Variants in CDKAL1 observed in about 807,000 individuals in gnomAD.
The protein encoded by CDKAL1 is threonylcarbamoyladenosine tRNA methylthiotransferase.
A neutral mutation model predicts 68.2 loss-of-function variants in CDKAL1; 32 were observed. The observed-to-expected ratio is 0.47, with a 90% CI of 0.35 to 0.63. The LOEUF (loss-of-function observed/expected upper bound fraction) is 0.63. CDKAL1 is among the 30% of genes least tolerant of loss of function. The pLI is 0.00. For missense variants in CDKAL1, 606 were observed against 696.7 expected (o/e 0.87, Z 1.47); for synonymous variants, 234 against 244.3 (o/e 0.96, Z 0.39).
At chr6:21,167,676 T>G (rs370000981) in intron 13 of CDKAL1, among the ~76,000 whole-genome samples, 9 of 152,328 alleles carry the variant, frequency 5.9e-5, no homozygotes, top group East Asian at 3.9e-4. Flanking sequence ...GTAAACTGAT[T>G]AAGTGACCAA....
chr6:21,023,570 C>T (rs934114893), intron 11 of CDKAL1, among the ~76,000 whole-genome samples: 1 of 152,022 alleles, frequency 6.6e-6, no homozygotes, highest in African/African-American at 2.4e-5. Flanking sequence ...GTACACTTAT[C>T]GCTTTCCTTT....
At position 20,886,919 on chromosome 6, in the gene CDKAL1, TA is replaced by T. The variant is rs1209638646; in HGVS notation, c.742+40742del. 2.6e-5 allele frequency among the ~76,000 whole-genome samples: 4 copies of T among 152,234 alleles called. No homozygotes were observed. In the East Asian group the frequency reaches 7.7e-4, roughly 29 times the overall value. On this transcript the variant is annotated intron_variant, in intron 9 of 15. Transcript: ENST00000274695. ...ATTCAAGACATGGACTGGGAGAAAA[TA>T]TTCACATTTATTTGGTAAAGGGTTG... is the stretch of plus-strand genomic sequence containing the variant.
chr6:20,772,396 T>G (rs992703940), intron 7 of CDKAL1, among the ~76,000 whole-genome samples: 1 of 152,176 alleles, frequency 6.6e-6, no homozygotes, highest in Non-Finnish European at 1.5e-5. Context: ...TGATGTACAT[T>G]TGATTTGGAT....
intron 8 of CDKAL1, among the ~76,000 whole-genome samples, chr6:20,836,186 A>C (rs1777932428): frequency 6.6e-6 from 1 of 152,158 alleles, no homozygotes; most frequent in South Asian, 2.1e-4. Flanking sequence ...ACATGACCTC[A>C]AGATTTAGCA....
intron 13 of CDKAL1, among the ~76,000 whole-genome samples, chr6:21,114,134 G>A (rs1774272562): frequency 6.6e-6 from 1 of 151,400 alleles, no homozygotes; most frequent in African/African-American, 2.4e-5. Context: ...TGTAGTCCCC[G>A]CTACTCGGGA....
At chr6:20,949,627 G>A (rs745352704) in intron 9 of CDKAL1, among the ~76,000 whole-genome samples, 28 of 152,108 alleles carry the variant, frequency 1.8e-4, no homozygotes, top group African/African-American at 2.9e-4. Context: ...GGTCCTAGGC[G>A]TATGTGTTTT....
intron 5 of CDKAL1, among the ~76,000 whole-genome samples, chr6:20,717,761 G>A (rs1386433643): frequency 6.6e-6 from 1 of 152,028 alleles, no homozygotes; most frequent in African/African-American, 2.4e-5. Flanking sequence ...AGTTTCCCTG[G>A]GCCACATAGG....
intron 10 of CDKAL1, among the ~76,000 whole-genome samples, chr6:20,980,180 C>T (rs1439966630): frequency 6.8e-6 from 1 of 146,006 alleles, no homozygotes; most frequent in Non-Finnish European, 1.5e-5. Context: ...TGATTAGAAG[C>T]CTCCAAAGAT....
At chr6:20,882,023 A>G (rs1760848784) in intron 9 of CDKAL1, among the ~76,000 whole-genome samples, 1 of 152,192 alleles carries the variant, frequency 6.6e-6, no homozygotes, top group Non-Finnish European at 1.5e-5. Flanking sequence ...AAATGGAATC[A>G]TGCGATATGT....
Position 20,934,827 on chromosome 6 carries a change from AAG to A in CDKAL1, c.743-20580_743-20579del, listed in dbSNP as rs557042936. ...CACGCCACTGTACTCCAGCCTGTGC[AAG>A]AGAGAGAGAGACCTTGTCGCAAAGA... On this transcript the variant is annotated intron_variant, in intron 9 of 15. Transcript: ENST00000274695. Among the ~76,000 whole-genome samples, 16 of 151,780 alleles carry A rather than the reference AAG, an allele frequency of 1.1e-4. 1 individual carries two copies. Among genetic ancestry groups the A allele is most frequent in the African/African-American group, 3.9e-4 (16 of 41,370 alleles).
chr6:20,944,392 A>T (rs1305056729), intron 9 of CDKAL1, among the ~76,000 whole-genome samples: 2 of 152,206 alleles, frequency 1.3e-5, no homozygotes, highest in African/African-American at 2.4e-5. Flanking sequence ...TCTGTCGCCC[A>T]GCTGGAGGGC....
intron 2 of CDKAL1, among the ~76,000 whole-genome samples, chr6:20,541,849 A>G (rs755984474): frequency 6.6e-6 from 1 of 152,166 alleles, no homozygotes; most frequent in African/African-American, 2.4e-5. Flanking sequence ...TAGTAGAGAC[A>G]GGGTTTCTCT....
intron 9 of CDKAL1, among the ~76,000 whole-genome samples, chr6:20,896,463 C>T (rs186083169): frequency 4.1e-3 from 628 of 152,194 alleles, no homozygotes; most frequent in Middle Eastern, 6.8e-3. Flanking sequence ...GATAAGAAAT[C>T]TTGACCAAAA....
chr6:20,572,634 G>A (rs1352291494), intron 4 of CDKAL1, among the ~76,000 whole-genome samples: 2 of 151,988 alleles, frequency 1.3e-5, no homozygotes, highest in Admixed American at 6.6e-5. Flanking sequence ...TACTTATAAC[G>A]AGATTTATCC....
At chr6:20,920,634 T>G (rs572999338) in intron 9 of CDKAL1, among the ~76,000 whole-genome samples, 2 of 152,340 alleles carry the variant, frequency 1.3e-5, no homozygotes, top group African/African-American at 4.8e-5. Flanking sequence ...TTTTTAGGAT[T>G]ATATACTGCC....
Position 20,766,477 on chromosome 6 carries a change from T to C in CDKAL1, c.517+7834T>C, listed in dbSNP as rs930536908. The stretch of plus-strand genomic sequence containing the variant: ...TCCCATGACCCAGCCCTTCTGCTAG[T>C]AGTCCCACTGACCTGTCCAGTATGG... On this transcript the variant is annotated intron_variant, in intron 7 of 15. Transcript: ENST00000274695. Among the ~76,000 whole-genome samples, 16 of 152,334 alleles carry C rather than the reference T, an allele frequency of 1.1e-4. No homozygotes were observed. In the East Asian group the frequency reaches 1.7e-3, roughly 17 times the overall value.
At chr6:21,158,204 A>G (rs1425719022) in intron 13 of CDKAL1, among the ~76,000 whole-genome samples, 1 of 152,224 alleles carries the variant, frequency 6.6e-6, no homozygotes, top group Non-Finnish European at 1.5e-5. Context: ...TTCAATTTAC[A>G]CAAGGAGGTT....
chr6:21,116,187 A>G (rs569553648), intron 13 of CDKAL1, among the ~76,000 whole-genome samples: 71 of 152,072 alleles, frequency 4.7e-4, no homozygotes, highest in Admixed American at 1.2e-3. Context: ...AGTTTAACTT[A>G]TTTTCTTACT....
intron 13 of CDKAL1, among the ~76,000 whole-genome samples, chr6:21,179,117 T>A (rs1182313663): frequency 2.0e-5 from 3 of 152,234 alleles, no homozygotes; most frequent in Non-Finnish European, 4.4e-5. Context: ...TTCCCACTCC[T>A]GGCACTGCTT....
Sources: gnomAD v4.1 joint callset for allele counts (sites outside exome capture counted in the v4.1 genomes callset) on GRCh38, gnomAD v4.1.1 for gene constraint, MANE v1.5 for transcripts, NCBI Gene and HGNC (gene_info 2026-07-23, HGNC 2026-07-21) for gene names.